The following TMEM178B variants were observed in gnomAD, a reference collection of about 807,000 sequenced individuals.
The protein encoded by TMEM178B is transmembrane protein 178B.
Under a neutral mutation model 31.0 loss-of-function variants are expected in TMEM178B, and 5 were observed. That is an observed-to-expected ratio of 0.16 (90% CI 0.08 to 0.34). TMEM178B has a LOEUF of 0.34. Ranked by LOEUF, TMEM178B falls within the 10% of genes least tolerant of loss-of-function variation. The pLI is 1.00. For missense variants in TMEM178B, 275 were observed against 400.3 expected (o/e 0.69, Z 2.67); for synonymous variants, 164 against 164.0 (o/e 1.00, Z 0.00).
At chr7:141,277,414 G>A (rs775957130) in intron 2 of TMEM178B, among the ~76,000 whole-genome samples, 2 of 152,042 alleles carry the variant, frequency 1.3e-5, no homozygotes, top group Admixed American at 1.3e-4. Flanking sequence ...TTCCACCTCC[G>A]CATCTTGTCC....
At chr7:141,092,686 C>T (rs992273565) in intron 1 of TMEM178B, among the ~76,000 whole-genome samples, 7 of 151,734 alleles carry the variant, frequency 4.6e-5, no homozygotes, top group Admixed American at 4.6e-4. Flanking sequence ...AGAAAATGGA[C>T]AATAATCAGA....
intron 1 of TMEM178B, among the ~76,000 whole-genome samples, chr7:141,135,453 G>A (rs1160800707): frequency 1.3e-5 from 2 of 152,132 alleles, no homozygotes; most frequent in Non-Finnish European, 1.5e-5. Flanking sequence ...TACATAGAAC[G>A]TTCTCCAGAA....
intron 1 of TMEM178B, among the ~76,000 whole-genome samples, chr7:141,173,395 A>ATC (rs1285721327): frequency 1.3e-4 from 20 of 152,278 alleles, no homozygotes; most frequent in African/African-American, 4.8e-4. Context: ...AATATACAAA[A>ATC]TGTTATGGAA....
chr7:141,172,730 G>A (rs186546738), intron 1 of TMEM178B, among the ~76,000 whole-genome samples: 73 of 152,320 alleles, frequency 4.8e-4, no homozygotes, highest in African/African-American at 1.7e-3. Flanking sequence ...AACAATTAGT[G>A]ATTATGAGAT....
rs541925077 is a variant in TMEM178B at position 141,294,679 on chromosome 7, G to T, written c.496+81975G>T. On this transcript the variant is annotated intron_variant, in intron 2 of 3. Coordinates refer to ENST00000565468, the MANE Select transcript of TMEM178B (RefSeq NM_001195278.2). ...GTCTGAGTCAGCAAAAACAAAGTTGGTTTCAGGGGGCAGGGATTTCATACC... is the reference window on the plus strand; with the variant it reads ...GTCTGAGTCAGCAAAAACAAAGTTGTTTTCAGGGGGCAGGGATTTCATACC... Among the ~76,000 whole-genome samples the T allele has an allele frequency of 6.6e-5, 10 of 152,296 alleles. No individual in the cohort carries two copies. The South Asian group carries it at 1.0e-3, about 16-fold the overall frequency.
At chr7:141,203,147 C>T (rs1253187744) in intron 1 of TMEM178B, among the ~76,000 whole-genome samples, 1 of 152,242 alleles carries the variant, frequency 6.6e-6, no homozygotes. Context: ...GTTATTTTCA[C>T]TTTTTTCTTT....
chr7:141,335,090 A>G (rs1403458948), intron 2 of TMEM178B, among the ~76,000 whole-genome samples: 1 of 152,176 alleles, frequency 6.6e-6, no homozygotes, highest in Non-Finnish European at 1.5e-5. Flanking sequence ...TGCAGCCTCC[A>G]TGGTTCTGAT....
At chr7:141,192,957 A>G (rs1313331617) in intron 1 of TMEM178B, among the ~76,000 whole-genome samples, 1 of 152,128 alleles carries the variant, frequency 6.6e-6, no homozygotes, top group Non-Finnish European at 1.5e-5. Context: ...AATGTATTCC[A>G]TCTTCTGTAA....
intron 1 of TMEM178B, among the ~76,000 whole-genome samples, chr7:141,172,258 A>G (rs1056460472): frequency 2.0e-5 from 3 of 152,196 alleles, no homozygotes; most frequent in Non-Finnish European, 4.4e-5. Context: ...AGATGCTAGC[A>G]TGGTGTTAGG....
At chr7:141,174,817 T>C (rs1796401639) in intron 1 of TMEM178B, among the ~76,000 whole-genome samples, 2 of 152,226 alleles carry the variant, frequency 1.3e-5, no homozygotes, top group South Asian at 4.1e-4. Flanking sequence ...TTGTCTGTTT[T>C]TTCATGTAAA....
At chr7:141,200,649 C>G (rs1796861143) in intron 1 of TMEM178B, among the ~76,000 whole-genome samples, 1 of 152,148 alleles carries the variant, frequency 6.6e-6, no homozygotes, top group South Asian at 2.1e-4. Context: ...AGTGAACAAG[C>G]CATGCCAAGC....
At chr7:141,374,344 C>G (rs377499185) in intron 2 of TMEM178B, among the ~76,000 whole-genome samples, 2 of 152,160 alleles carry the variant, frequency 1.3e-5, no homozygotes, top group Non-Finnish European at 2.9e-5. Context: ...GCTAACCACT[C>G]TTTAAAACAA....
chr7:141,115,944 A>C (rs1012864372), intron 1 of TMEM178B, among the ~76,000 whole-genome samples: 4 of 152,256 alleles, frequency 2.6e-5, no homozygotes, highest in Non-Finnish European at 5.9e-5. Flanking sequence ...TTACACGTTA[A>C]AAATAAATAA....
chr7:141,083,480 A>G (rs534739806), intron 1 of TMEM178B, among the ~76,000 whole-genome samples: 1 of 136,724 alleles, frequency 7.3e-6, no homozygotes, highest in East Asian at 2.5e-4. Context: ...GAAGAGAAAG[A>G]GGAAGGGAGG....
chr7:141,383,171 T>A (rs1800356360), intron 2 of TMEM178B, among the ~76,000 whole-genome samples: 1 of 152,128 alleles, frequency 6.6e-6, no homozygotes, highest in Non-Finnish European at 1.5e-5. Flanking sequence ...TTTCTTTTTT[T>A]TTAAAGTCTA....
chr7:141,492,679 T>C, the TMEM178B span, among the ~76,000 whole-genome samples: 1 of 152,204 alleles, frequency 6.6e-6, no homozygotes, highest in Admixed American at 6.5e-5. Context: ...TCCTTCCACC[T>C]TCGTTTCATT....
intron 2 of TMEM178B, among the ~76,000 whole-genome samples, chr7:141,366,313 G>T (rs987388663): frequency 6.6e-6 from 1 of 152,112 alleles, no homozygotes; most frequent in African/African-American, 2.4e-5. Context: ...CTTCTGGCTC[G>T]AAAGGGAAAT....
chr7:141,352,874 C>A (rs551393392), intron 2 of TMEM178B: 1 of 152,138 alleles, frequency 6.6e-6, no homozygotes, highest in Non-Finnish European at 1.5e-5. Context: ...GAGAACAACA[C>A]GATTTCATAG....
At chr7:141,223,477 C>CTTTTT (rs1185774085) in intron 2 of TMEM178B, among the ~76,000 whole-genome samples, 1 of 121,938 alleles carries the variant, frequency 8.2e-6, no homozygotes, top group African/African-American at 3.6e-5. Context: ...GCTGTTTTCA[C>CTTTTT]TCTTTTTTTT....
Sources: allele counts gnomAD v4.1 joint callset (sites outside exome capture counted in the v4.1 genomes callset), GRCh38; gene constraint gnomAD v4.1.1; transcripts MANE v1.5; gene names NCBI Gene and HGNC (gene_info 2026-07-23, HGNC 2026-07-21).